MGAT4C: variants seen among roughly 807,000 people sequenced by gnomAD.
The protein encoded by MGAT4C is MGAT4 family member C.
MGAT4C carries 19 observed loss-of-function variants against 40.1 expected under a neutral mutation model. That is an observed-to-expected ratio of 0.47 (90% CI 0.33 to 0.70). The LOEUF is 0.70. Among genes scored for constraint, MGAT4C ranks in the 30% least tolerant of loss-of-function variants. The pLI is 0.02. For synonymous variants in MGAT4C, 181 were observed against 187.1 expected, an observed-to-expected ratio of 0.97 and a Z score of 0.27; for missense variants, 491 against 563.2, an observed-to-expected ratio of 0.87 and a Z score of 1.30.
intron 2 of MGAT4C, among the ~76,000 whole-genome samples, chr12:86,720,093 T>G: frequency 6.6e-6 from 1 of 152,136 alleles, no homozygotes; most frequent in East Asian, 1.9e-4. Flanking sequence ...TGAGAAATAT[T>G]GTGGTGGTGG....
At chr12:86,300,605 G>A (rs566899255) in intron 4 of MGAT4C, among the ~76,000 whole-genome samples, 2 of 152,220 alleles carry the variant, frequency 1.3e-5, no homozygotes, top group East Asian at 3.9e-4. Context: ...GCACTACTAA[G>A]CAGCTTCAAG....
intron 2 of MGAT4C, among the ~76,000 whole-genome samples, chr12:86,707,151 G>A (rs2136625135): frequency 1.3e-5 from 2 of 152,240 alleles, no homozygotes; most frequent in Non-Finnish European, 2.9e-5. Context: ...GACTAATATG[G>A]TAAATTGGTA....
rs149840019 is a variant in MGAT4C at position 86,099,451 on chromosome 12, C to T, written c.-56-49728G>A. On this transcript the variant is annotated intron_variant, in intron 1 of 4. Coordinates refer to ENST00000611864, the MANE Select transcript of MGAT4C (RefSeq NM_001351288.2). Reference sequence around the variant, plus strand: ...TTTTTATTTATTATACTATAAGTTCCGGGATACATGTGCAGAACGTGCAAA... The same window carrying T: ...TTTTTATTTATTATACTATAAGTTCTGGGATACATGTGCAGAACGTGCAAA... 4.7e-3 allele frequency among the ~76,000 whole-genome samples: 705 copies of T among 150,520 alleles called. 2 individuals are homozygous for T. The highest frequency in any genetic ancestry group is 0.016 in the African/African-American group (644 of 41,166).
intron 1 of MGAT4C, among the ~76,000 whole-genome samples, chr12:86,774,283 C>T (rs531792175): frequency 3.5e-3 from 60 of 16,962 alleles, no homozygotes; most frequent in South Asian, 0.02. Flanking sequence ...AAGGCTTGCT[C>T]TTTCTTTCTT....
At chr12:86,000,588 T>G (rs1887185885) in intron 2 of MGAT4C, among the ~76,000 whole-genome samples, 1 of 151,410 alleles carries the variant, frequency 6.6e-6, no homozygotes, top group Non-Finnish European at 1.5e-5. Context: ...ACCAAATATT[T>G]TAAGGAAAAA....
At chr12:86,181,959 T>C (rs1014881602) in intron 1 of MGAT4C, among the ~76,000 whole-genome samples, 8 of 152,072 alleles carry the variant, frequency 5.3e-5, no homozygotes, top group Non-Finnish European at 1.0e-4. Context: ...CCTCTATAGT[T>C]TAATAAACCA....
chr12:86,202,449 T>C (rs1950086535), intron 1 of MGAT4C, among the ~76,000 whole-genome samples: 2 of 152,074 alleles, frequency 1.3e-5, no homozygotes, highest in South Asian at 2.1e-4. Flanking sequence ...CACATAGTAA[T>C]GGATTATAAT....
At position 85,957,686 on chromosome 12, in the gene MGAT4C, A is replaced by C. The variant is rs1882880726; in HGVS notation, c.*21603T>G. On this transcript the variant is annotated 3_prime_UTR_variant, in exon 5 of 5. Coordinates refer to ENST00000611864, the MANE Select transcript of MGAT4C (RefSeq NM_001351288.2). ...AAAAAAAAAAAAAGAAAAAAGAAAA[A>C]AAAAATCTATCAATCCTGAAAAGAG... The C allele has an allele frequency of 6.6e-6, 1 of 151,708 alleles. No individual in the cohort carries two copies. Among genetic ancestry groups the C allele is most frequent in the Non-Finnish European group, 1.5e-5 (1 of 67,944 alleles). 9.4% of individuals were successfully genotyped at this position (151,708 alleles called of 1,614,324 possible).
chr12:86,741,770 T>C (rs901148309), intron 1 of MGAT4C, among the ~76,000 whole-genome samples: 7 of 151,396 alleles, frequency 4.6e-5, no homozygotes, highest in Non-Finnish European at 5.9e-5. Context: ...TTTCATGTCA[T>C]CTAAGGACTC....
At chr12:86,763,390 G>A (rs555249690) in intron 1 of MGAT4C, among the ~76,000 whole-genome samples, 6 of 151,998 alleles carry the variant, frequency 3.9e-5, no homozygotes, top group African/African-American at 1.4e-4. Flanking sequence ...TACTGCAACC[G>A]TACCTAAACC....
intron 2 of MGAT4C, among the ~76,000 whole-genome samples, chr12:86,706,592 C>T (rs527840409): frequency 2.6e-5 from 4 of 152,082 alleles, no homozygotes; most frequent in South Asian, 4.2e-4. Flanking sequence ...ATTAATTTCC[C>T]ATTTATAGTA....
chr12:86,548,517 C>T (rs775333009), intron 2 of MGAT4C, among the ~76,000 whole-genome samples: 8 of 152,006 alleles, frequency 5.3e-5, no homozygotes, highest in East Asian at 1.9e-4. Flanking sequence ...CTTGGATACA[C>T]GGAATAAATT....
intron 2 of MGAT4C, among the ~76,000 whole-genome samples, chr12:86,722,881 A>G (rs76274607): frequency 0.015 from 2,241 of 152,290 alleles, 47 homozygotes; most frequent in African/African-American, 0.052. Context: ...TGGTATACAT[A>G]AAATTGTCTG....
intron 1 of MGAT4C, among the ~76,000 whole-genome samples, chr12:86,780,122 T>C (rs1486587275): frequency 6.6e-6 from 1 of 152,102 alleles, no homozygotes; most frequent in Non-Finnish European, 1.5e-5. Context: ...AATCACATTT[T>C]TTTAAATTTT....
intron 1 of MGAT4C, among the ~76,000 whole-genome samples, chr12:86,150,151 A>C (rs984686802): frequency 6.6e-6 from 1 of 152,176 alleles, no homozygotes; most frequent in Admixed American, 6.5e-5. Flanking sequence ...TCTCATGAGC[A>C]GTTCACAATA....
At chr12:86,285,463 G>A (rs770701731) in intron 4 of MGAT4C, among the ~76,000 whole-genome samples, 3 of 151,900 alleles carry the variant, frequency 2.0e-5, no homozygotes, top group Non-Finnish European at 2.9e-5. Context: ...CACACAAAAT[G>A]CAAATAGCAT....
intron 1 of MGAT4C, among the ~76,000 whole-genome samples, chr12:86,232,040 G>C (rs1453143197): frequency 1.3e-5 from 2 of 151,894 alleles, no homozygotes; most frequent in East Asian, 3.9e-4. Flanking sequence ...TACTCAGAAG[G>C]CTGAGGCAAG....
chr12:86,541,136 T>G (rs1959165733), intron 2 of MGAT4C, among the ~76,000 whole-genome samples: 1 of 152,188 alleles, frequency 6.6e-6, no homozygotes, highest in Admixed American at 6.5e-5. Context: ...TAAAGTAAGA[T>G]AAATATACAA....
chr12:86,264,075 G>T (rs1304450302), intron 4 of MGAT4C, among the ~76,000 whole-genome samples: 1 of 152,034 alleles, frequency 6.6e-6, no homozygotes, highest in Non-Finnish European at 1.5e-5. Flanking sequence ...TCTACATCCT[G>T]GATATTAGTC....
Sources: gnomAD v4.1 joint callset for allele counts (sites outside exome capture counted in the v4.1 genomes callset) on GRCh38, gnomAD v4.1.1 for gene constraint, MANE v1.5 for transcripts, NCBI Gene and HGNC (gene_info 2026-07-23, HGNC 2026-07-21) for gene names.